APBA2: variants seen among roughly 807,000 people sequenced by gnomAD.
APBA2 encodes the protein amyloid-beta A4 precursor protein-binding family A member 2.
A neutral mutation model predicts 75.0 loss-of-function variants in APBA2; 30 were observed. The ratio of observed to expected loss-of-function variants is 0.40; its 90% CI spans 0.30 to 0.54. APBA2 has a LOEUF of 0.54. APBA2 is among the 20% of genes least tolerant of loss of function. The pLI, the probability that APBA2 is intolerant of heterozygous loss-of-function variation, is 0.49. For missense variants in APBA2, 801 were observed against 1,016.1 expected (o/e 0.79, Z 2.88); for synonymous variants, 444 against 409.6 (o/e 1.08, Z -1.01).
intron 1 of APBA2, among the ~76,000 whole-genome samples, chr15:28,898,365 C>G (rs1252697848): frequency 2.0e-5 from 3 of 152,164 alleles, no homozygotes; most frequent in Admixed American, 6.5e-5. Flanking sequence ...GATCAGTACC[C>G]CGAGGGTCTT....
At chr15:29,111,234 G>A (rs1367720637) in intron 13 of APBA2, among the ~76,000 whole-genome samples, 1 of 152,046 alleles carries the variant, frequency 6.6e-6, no homozygotes, top group Non-Finnish European at 1.5e-5. Flanking sequence ...TTGGGGGGTG[G>A]TCTGGGTCAC....
At chr15:29,068,559 C>T (rs1253665610) in intron 4 of APBA2, among the ~76,000 whole-genome samples, 2 of 152,216 alleles carry the variant, frequency 1.3e-5, no homozygotes, top group African/African-American at 2.4e-5. Flanking sequence ...GAAGGATGGG[C>T]GGAGCTCCCA....
At chr15:29,051,284 G>A (rs188701178) in intron 3 of APBA2, among the ~76,000 whole-genome samples, 81 of 152,250 alleles carry the variant, frequency 5.3e-4, no homozygotes, top group Admixed American at 1.3e-3. Context: ...CAGCTCTTTC[G>A]AATTGTCCTG....
At chr15:28,887,975 T>C (rs2031868229) in intron 1 of APBA2, among the ~76,000 whole-genome samples, 1 of 152,022 alleles carries the variant, frequency 6.6e-6, no homozygotes, top group Non-Finnish European at 1.5e-5. Flanking sequence ...CCACGGGGTG[T>C]GAGTGTGTGT....
chr15:28,898,463 G>A (rs1234011279), intron 1 of APBA2, among the ~76,000 whole-genome samples: 1 of 152,170 alleles, frequency 6.6e-6, no homozygotes, highest in Non-Finnish European at 1.5e-5. Context: ...GTAACGTTGA[G>A]CAAAAAACCC....
chr15:29,018,504 T>TC (rs1270485621), intron 3 of APBA2, among the ~76,000 whole-genome samples: 1 of 152,016 alleles, frequency 6.6e-6, no homozygotes, highest in Non-Finnish European at 1.5e-5. Flanking sequence ...GGGCCAGCAG[T>TC]CCTTCTGCCA....
At chr15:28,998,070 C>T (rs183751439) in intron 3 of APBA2, among the ~76,000 whole-genome samples, 4 of 152,242 alleles carry the variant, frequency 2.6e-5, no homozygotes, top group East Asian at 3.9e-4. Flanking sequence ...TTTTCTGCTG[C>T]GAATGGAATC....
chr15:29,113,326 C>T (rs1239953143), intron 13 of APBA2, among the ~76,000 whole-genome samples: 2 of 151,710 alleles, frequency 1.3e-5, no homozygotes. Flanking sequence ...GTATATTTGG[C>T]ACAAAATGCC....
chr15:29,039,153 G>GTGTA (rs2040904306), intron 3 of APBA2, among the ~76,000 whole-genome samples: 1 of 136,794 alleles, frequency 7.3e-6, no homozygotes, highest in Non-Finnish European at 1.5e-5. Flanking sequence ...GTGTGTGTGT[G>GTGTA]TGTATCAGGG....
intron 1 of APBA2, among the ~76,000 whole-genome samples, chr15:28,914,907 G>A (rs2033594339): frequency 6.6e-6 from 1 of 151,686 alleles, no homozygotes; most frequent in African/African-American, 2.4e-5. Flanking sequence ...CAGTGCACAG[G>A]TGTGCATGTG....
intron 1 of APBA2, among the ~76,000 whole-genome samples, chr15:28,919,888 G>T (rs1025626101): frequency 1.3e-5 from 2 of 152,174 alleles, no homozygotes; most frequent in Admixed American, 6.5e-5. Flanking sequence ...TGGGTGCTCC[G>T]TGTGGCGACA....
chr15:29,060,693 C>T (rs116895814), intron 4 of APBA2, among the ~76,000 whole-genome samples: 1 of 152,288 alleles, frequency 6.6e-6, no homozygotes, highest in Non-Finnish European at 1.5e-5. Context: ...CCTAAGTTCA[C>T]CAGGGCTCAG....
intron 4 of APBA2, among the ~76,000 whole-genome samples, chr15:29,074,188 C>T (rs1336429305): frequency 2.0e-5 from 3 of 152,160 alleles, no homozygotes; most frequent in Non-Finnish European, 2.9e-5. Flanking sequence ...GATATTTGCA[C>T]ACCCACGTTC....
At chr15:28,944,219 C>T (rs2336909) in intron 2 of APBA2, among the ~76,000 whole-genome samples, 25,983 of 152,090 alleles carry the variant, frequency 0.17, 3,116 homozygotes, top group African/African-American at 0.34. Context: ...ACATGAATTG[C>T]GGTCACCCAG....
At chr15:28,926,384 C>T (rs950588962) in intron 2 of APBA2, among the ~76,000 whole-genome samples, 22 of 152,136 alleles carry the variant, frequency 1.4e-4, no homozygotes, top group African/African-American at 5.3e-4. Flanking sequence ...TCTAAGCCCA[C>T]CTTCAAATAA....
At position 29,010,460 on chromosome 15, in the gene APBA2, G is replaced by A. The variant is rs532496907; in HGVS notation, c.-41+14654G>A. Among the ~76,000 whole-genome samples the A allele has an allele frequency of 1.2e-3, 182 of 152,076 alleles. 1 individual carries two copies. Among genetic ancestry groups the A allele is most frequent in the Non-Finnish European group, 2.0e-3 (137 of 67,972 alleles). On this transcript the variant is annotated intron_variant, in intron 3 of 14. Transcript: ENST00000683413. ...TTTTTAGTAGAGACGGGGTTTCACC[G>A]TGTTAGCCAGGATAGTCTCGATCTC... is the stretch of plus-strand genomic sequence containing the variant.
At chr15:29,116,706 C>A (rs2045189395) in intron 14 of APBA2, among the ~76,000 whole-genome samples, 1 of 152,130 alleles carries the variant, frequency 6.6e-6, no homozygotes, top group Non-Finnish European at 1.5e-5. Context: ...GCATCCCTCG[C>A]AGTTTCTGCC....
chr15:29,114,721 TA>T (rs1452251608), intron 14 of APBA2, among the ~76,000 whole-genome samples: 2 of 149,280 alleles, frequency 1.3e-5, no homozygotes, highest in South Asian at 2.1e-4. Flanking sequence ...CGTGGGTGTA[TA>T]GGGGTGCATG....
intron 8 of APBA2, among the ~76,000 whole-genome samples, chr15:29,095,154 G>A (rs1450626638): frequency 3.3e-5 from 5 of 152,192 alleles, no homozygotes; most frequent in African/African-American, 7.2e-5. Flanking sequence ...GAGGCCGGGC[G>A]CCGTGGCTCA....
Sources: gnomAD v4.1 joint callset for allele counts (sites outside exome capture counted in the v4.1 genomes callset) on GRCh38, gnomAD v4.1.1 for gene constraint, MANE v1.5 for transcripts, NCBI Gene and HGNC (gene_info 2026-07-23, HGNC 2026-07-21) for gene names.